Variants in RAG1 observed in about 807,000 individuals in gnomAD.
The protein encoded by RAG1 is recombination activating 1, also known as V(D)J recombination-activating protein 1.
RAG1 carries 35 observed loss-of-function variants against 62.7 expected under a neutral mutation model. The ratio of observed to expected loss-of-function variants is 0.56; its 90% CI spans 0.43 to 0.74. The LOEUF (loss-of-function observed/expected upper bound fraction) is 0.74. Among genes scored for constraint, RAG1 ranks in the 30% least tolerant of loss-of-function variants. The probability of loss-of-function intolerance (pLI) is 0.00; values close to 1 mark genes in which losing one functional copy is unlikely to be tolerated. For synonymous variants in RAG1, 461 were observed against 470.3 expected, an observed-to-expected ratio of 0.98 and a Z score of 0.26; for missense variants, 1,169 against 1,278.6, an observed-to-expected ratio of 0.91 and a Z score of 1.31.
rs2014120982 is a variant in RAG1 at position 36,576,983 on chromosome 11, A to ATGAT, written c.*548_*551dup. 1 of 173,190 alleles carries ATGAT rather than the reference A, an allele frequency of 5.8e-6. No homozygotes were observed. The highest frequency in any genetic ancestry group is 2.4e-5 in the African/African-American group (1 of 41,488). The allele number at this position is 173,190 out of a possible 1,614,324, so 10.7% of individuals were successfully genotyped here. On this transcript the variant is annotated 3_prime_UTR_variant, in exon 2 of 2. Coordinates refer to ENST00000299440, the MANE Select transcript of RAG1 (RefSeq NM_000448.3). ...TAATAATATCTTACATTTGTACAGC[A>ATGAT]TGATGACCTTTACAAAGTGCTCTCA...
chr11:36,561,645 G>A (rs1371953193), intron 3 of RAG1, among the ~76,000 whole-genome samples: 1 of 152,142 alleles, frequency 6.6e-6, no homozygotes, highest in African/African-American at 2.4e-5. Context: ...AAAAGGAGGA[G>A]GAAGGGTAAA....
At position 36,575,284 on chromosome 11, in the gene RAG1, T is replaced by C; in HGVS notation, c.1980T>C (p.Leu660=). Residue 660 remains leucine, a synonymous_variant, in exon 2 of 2, where the codon CTT becomes CTC. Transcript: ENST00000299440. This position sits in a 1 kb window ranked among gnomAD's most constrained non-coding sequence, Gnocchi z 4.1. ...NSELCCKPLC[L]MLADESDHET... is the part of the protein sequence containing the mutation. ...AACTGTGTTGCAAGCCATTGTGCCT[T>C]ATGCTGGCAGATGAGTCTGACCACG... The C allele has an allele frequency of 3.7e-6, 6 of 1,614,222 alleles. No individual in the cohort carries two copies. Among genetic ancestry groups the C allele is most frequent in the Non-Finnish European group, 5.1e-6 (6 of 1,180,040 alleles).
chr11:36,573,607 G>C lies in RAG1; in HGVS notation c.303G>C (p.Ala101=). ...FHDNEKARGK[A]IHQANLRHLC... ...ACAACGAGAAAGCAAGAGGCAAAGCGATCCATCAAGCCAACCTTCGACATC... is the reference window on the plus strand; with the variant it reads ...ACAACGAGAAAGCAAGAGGCAAAGCCATCCATCAAGCCAACCTTCGACATC... The change falls in exon 2 of 2, where the codon GCG becomes GCC. Residue 101 remains alanine (A), a synonymous_variant. Coordinates refer to ENST00000299440, the MANE Select transcript of RAG1 (RefSeq NM_000448.3). 1 of 1,614,136 alleles carries C rather than the reference G, an allele frequency of 6.2e-7. No homozygotes were observed. The highest frequency in any genetic ancestry group is 1.1e-5 in the South Asian group (1 of 91,064).
intron 2 of RAG1, among the ~76,000 whole-genome samples, chr11:36,527,693 A>T (rs1468547353): frequency 6.6e-6 from 1 of 151,990 alleles, no homozygotes; most frequent in Non-Finnish European, 1.5e-5. Context: ...CATTTTCATG[A>T]TATTGATTCT....
At chr11:36,566,763 C>T (rs1436061187), upstream of RAG1, among the ~76,000 whole-genome samples, 1 of 152,220 alleles carries the variant, frequency 6.6e-6, no homozygotes, top group Non-Finnish European at 1.5e-5. Context: ...AGTTTCTCCT[C>T]TCTCCCAGTG....
intron 1 of RAG1, among the ~76,000 whole-genome samples, chr11:36,513,104 C>T (rs1025496828): frequency 4.6e-5 from 7 of 152,276 alleles, no homozygotes; most frequent in African/African-American, 1.7e-4. Flanking sequence ...TTTGGTTCAG[C>T]CCCGTCTTTC....
chr11:36,560,052 G>A (rs1590691004), intron 3 of RAG1, among the ~76,000 whole-genome samples: 2 of 152,162 alleles, frequency 1.3e-5, no homozygotes, highest in South Asian at 2.1e-4. Context: ...CTATAGTGTC[G>A]ATTGGGTAAA....
chr11:36,562,150 A>G lies in RAG1; in HGVS notation c.-411-1235A>G, dbSNP rs568669220. Reference sequence around the variant, plus strand: ...AGAGAAGTAAAGTGATTTGACTTATAGTTTTAACAAGATTAGAATTTGTTG... The same window carrying G: ...AGAGAAGTAAAGTGATTTGACTTATGGTTTTAACAAGATTAGAATTTGTTG... On this transcript the variant is annotated intron_variant and NMD_transcript_variant, in intron 3 of 9. Transcript: ENST00000534663. Among the ~76,000 whole-genome samples the G allele has an allele frequency of 4.7e-4, 72 of 152,318 alleles. No individual in the cohort carries two copies. The South Asian group carries it at 0.014, about 31-fold the overall frequency.
rs148380512 is a variant in RAG1, at chr11:36,575,168, G to A, written c.1864G>A (p.Ala622Thr). The A allele has an allele frequency of 1.7e-4, 278 of 1,614,164 alleles. No homozygotes were observed. Among genetic ancestry groups the A allele is most frequent in the Middle Eastern group, 3.3e-4 (2 of 6,062 alleles). Reference protein sequence around the residue: ...HGSGPVVPEKAVRFSFTIMKI... With the variant: ...HGSGPVVPEKTVRFSFTIMKI... The stretch of plus-strand genomic sequence containing the variant: ...GAGTGGGCCTGTAGTTCCAGAAAAG[G>A]CAGTCCGTTTTTCATTCACAATCAT... Residue 622 changes from alanine (A) to threonine (T), a missense_variant, in exon 2 of 2, where the codon GCA (alanine) becomes ACA (threonine). This residue lies in a region of RAG1 where 800 missense variants were observed against 943.3 expected (regional missense o/e 0.85). Coordinates refer to ENST00000299440, the MANE Select transcript of RAG1 (RefSeq NM_000448.3). The surrounding 1 kb of genome is among the most constrained non-coding windows in gnomAD (Gnocchi z 4.1).
In RAG1 at chr11:36,521,737, T is replaced by G. The variant is rs573986404; in HGVS notation, n.428+1508T>G. Reference sequence around the variant, plus strand: ...GAAAGTTTGGAACTTCCTAGACACTTGTTCAATGGCTTTGACTAAAATGCT... The same window carrying G: ...GAAAGTTTGGAACTTCCTAGACACTGGTTCAATGGCTTTGACTAAAATGCT... On this transcript the variant is annotated intron_variant and non_coding_transcript_variant, in intron 2 of 2. Transcript: ENST00000529126. Among the ~76,000 whole-genome samples, 11 of 152,304 alleles carry G rather than the reference T, an allele frequency of 7.2e-5. No individual in the cohort carries two copies. The South Asian group carries it at 2.3e-3, about 32-fold the overall frequency.
chr11:36,544,852 C>T (rs532575389), intron 3 of RAG1, among the ~76,000 whole-genome samples: 1 of 152,166 alleles, frequency 6.6e-6, no homozygotes, highest in South Asian at 2.1e-4. Context: ...AAGTGTGTGG[C>T]GGATCCCCCC....
At chr11:36,519,619 T>C (rs892446818) in intron 1 of RAG1, among the ~76,000 whole-genome samples, 16 of 152,220 alleles carry the variant, frequency 1.1e-4, no homozygotes, top group Non-Finnish European at 2.2e-4. Context: ...ATTATGACTT[T>C]AAGAAGGATT....
Position 36,568,670 on chromosome 11 carries a change from T to G in RAG1, c.-15+548T>G, listed in dbSNP as rs1850694742. 2.0e-5 allele frequency among the ~76,000 whole-genome samples: 3 copies of G among 152,378 alleles called. No homozygotes were observed. In the South Asian group the frequency reaches 6.2e-4, roughly 32 times the overall value. On this transcript the variant is annotated intron_variant, in intron 1 of 1. Coordinates refer to ENST00000299440, the MANE Select transcript of RAG1 (RefSeq NM_000448.3). ...CCAGACTCTTTGGGACCTGATGATC[T>G]GCATTTCTTTTTAAAAACAAACTCG...
chr11:36,547,573 A>T (rs192876328), intron 3 of RAG1, among the ~76,000 whole-genome samples: 1 of 152,354 alleles, frequency 6.6e-6, no homozygotes, highest in East Asian at 1.9e-4. Context: ...AGACTAAACC[A>T]GGAAGAAGCC....
chr11:36,557,578 G>A lies in RAG1; in HGVS notation c.-411-5807G>A, dbSNP rs935303682. 5.3e-5 allele frequency among the ~76,000 whole-genome samples: 8 copies of A among 152,066 alleles called. No homozygotes were observed. In the East Asian group the frequency reaches 5.8e-4, roughly 11 times the overall value. ...GCAGAAATCACCCGTCTTCTGCGTCGCTCACGCTGGGAGCTGTAGACCGGA... is the reference window on the plus strand; with the variant it reads ...GCAGAAATCACCCGTCTTCTGCGTCACTCACGCTGGGAGCTGTAGACCGGA... On this transcript the variant is annotated intron_variant and NMD_transcript_variant, in intron 3 of 9. Transcript: ENST00000534663.
intron 3 of RAG1, among the ~76,000 whole-genome samples, chr11:36,561,570 G>A (rs976460763): frequency 3.9e-5 from 6 of 151,972 alleles, no homozygotes; most frequent in African/African-American, 1.5e-4. Flanking sequence ...TAAACTATTC[G>A]ACTGAGTAAA....
At chr11:36,524,932 C>CT (rs991799534) in intron 2 of RAG1, among the ~76,000 whole-genome samples, 2 of 152,026 alleles carry the variant, frequency 1.3e-5, no homozygotes, top group African/African-American at 4.8e-5. Flanking sequence ...GATTGTTAGT[C>CT]TTTTTTACTG....
intron 3 of RAG1, among the ~76,000 whole-genome samples, chr11:36,551,140 G>C (rs764667481): frequency 3.3e-5 from 5 of 152,132 alleles, no homozygotes; most frequent in Admixed American, 3.3e-4. Context: ...GATTTAGTTG[G>C]ATGATTAAAA....
At chr11:36,558,127 C>G (rs1196810068) in intron 3 of RAG1, among the ~76,000 whole-genome samples, 1 of 152,064 alleles carries the variant, frequency 6.6e-6, no homozygotes, top group East Asian at 1.9e-4. Flanking sequence ...CCATTGTGGT[C>G]AGAAAAGATA....
Sources: allele counts gnomAD v4.1 joint callset (sites outside exome capture counted in the v4.1 genomes callset), GRCh38; gene constraint gnomAD v4.1.1; regional missense constraint gnomAD v4.1.1; non-coding constraint Gnocchi (gnomAD v3.1); transcripts MANE v1.5; gene names NCBI Gene and HGNC (gene_info 2026-07-23, HGNC 2026-07-21).